Variants in PDK4 observed in about 807,000 individuals in gnomAD.
The protein encoded by PDK4 is pyruvate dehydrogenase kinase, isozyme 4.
A neutral mutation model predicts 51.7 loss-of-function variants in PDK4; 43 were observed. The ratio of observed to expected loss-of-function variants is 0.83; its 90% CI spans 0.65 to 1.07. The LOEUF (loss-of-function observed/expected upper bound fraction) is 1.07. PDK4 is among the 50% of genes least tolerant of loss of function. The pLI, the probability that PDK4 is intolerant of heterozygous loss-of-function variation, is 0.00. For synonymous variants in PDK4, 170 were observed against 176.6 expected (o/e 0.96, Z 0.30); for missense variants, 498 against 503.5 (o/e 0.99, Z 0.10).
chr7:95,595,170 A>T lies in PDK4; in HGVS notation c.131-6T>A. The stretch of plus-strand genomic sequence containing the variant: ...TTCACATGCATTTTCTGAACCTATA[A>T]TAAATGAAATCAATTTAGTTTTGAG... On this transcript the variant is annotated splice_polypyrimidine_tract_variant and splice_region_variant and intron_variant, in intron 1 of 10. Coordinates refer to ENST00000005178, the MANE Select transcript of PDK4 (RefSeq NM_002612.4). The T allele has an allele frequency of 6.2e-7, 1 of 1,604,618 alleles. No homozygotes were observed. Among genetic ancestry groups the T allele is most frequent in the South Asian group, 1.1e-5 (1 of 90,656 alleles).
intron 3 of PDK4, 136 bp downstream of exon 3, chr7:95,593,562 CA>C: frequency 2.1e-6 from 1 of 484,228 alleles, no homozygotes; most frequent in Non-Finnish European, 3.7e-6. Context: ...ACCAACAAGC[CA>C]AAACTTGTCA....
chr7:95,585,881 C>A, intron 10 of PDK4, 100 bp from the exon 11 acceptor site: 1 of 996,126 alleles, frequency 1.0e-6, no homozygotes, highest in Non-Finnish European at 1.5e-6. Context: ...GGTAAGTATC[C>A]AAACATTCAA....
intron 10 of PDK4, among the ~76,000 whole-genome samples, chr7:95,586,277 C>T (rs1280173353): frequency 6.8e-6 from 1 of 147,800 alleles, no homozygotes; most frequent in Non-Finnish European, 1.5e-5. Context: ...TCACTGCAAC[C>T]TCTGCCTCCC....
Position 95,587,457 on chromosome 7 carries a change from T to G in PDK4, c.942A>C (p.Ala314=), listed in dbSNP as rs1442355686. Residue 314 remains alanine, a synonymous_variant, in exon 9 of 11, where the codon GCA becomes GCC. Coordinates refer to ENST00000005178, the MANE Select transcript of PDK4 (RefSeq NM_002612.4). ...GGGAATTATCCATCACAGGCGTTGG[T>G]GCAGTGGAGTATGTATAACTAAAGA... is the stretch of plus-strand genomic sequence containing the variant. The part of the protein sequence containing the change: ...DRLFSYTYST[A]PTPVMDNSRN... The G allele has an allele frequency of 6.2e-7, 1 of 1,610,564 alleles. No homozygotes were observed.
intron 1 of PDK4, among the ~76,000 whole-genome samples, 180 bp from the exon 2 acceptor site, chr7:95,595,344 C>T (rs1000270274): frequency 2.6e-5 from 4 of 152,198 alleles, no homozygotes; most frequent in Admixed American, 6.5e-5. Flanking sequence ...TAATTCCCTT[C>T]GTCCTTTCGT....
chr7:95,586,962 G>C (rs1449142385), intron 10 of PDK4, 48 bp downstream of exon 10: 1 of 1,051,582 alleles, frequency 9.5e-7, no homozygotes, highest in African/African-American at 1.6e-5. Flanking sequence ...GCTATAAAAG[G>C]AGCAATGGTT....
chr7:95,591,635 A>G (rs1051564302), intron 6 of PDK4, among the ~76,000 whole-genome samples: 1 of 152,176 alleles, frequency 6.6e-6, no homozygotes, highest in African/African-American at 2.4e-5. Context: ...TAACCTCTTT[A>G]AGAGGATATT....
At chr7:95,587,308 A>C (rs892053189) in intron 9 of PDK4, 110 bp downstream of exon 9, 5 of 769,638 alleles carry the variant, frequency 6.5e-6, no homozygotes, top group Non-Finnish European at 1.1e-5. Context: ...TATATCCTTC[A>C]TGTCTAATTT....
At position 95,589,665 on chromosome 7, in the gene PDK4, T is replaced by C. The variant is rs1791527958; in HGVS notation, c.746A>G (p.His249Arg). ...IHIVYVPSHL[H>R]HMLFELFKNA... ...CTTAAATAGTTCAAAGAGCATATGA[T>C]GGAGGTGAGAAGGAACATACACGAT... The change falls in exon 7 of 11, where the codon CAT (histidine) becomes CGT (arginine). Residue 249 changes from histidine to arginine, a missense_variant. By Grantham distance (29) the His-to-Arg change is conservative. Coordinates refer to ENST00000005178, the MANE Select transcript of PDK4 (RefSeq NM_002612.4). 6.3e-7 allele frequency: 1 copy of C among 1,579,186 alleles called. No homozygotes were observed. Among genetic ancestry groups the C allele is most frequent in the Non-Finnish European group, 8.7e-7 (1 of 1,148,966 alleles).
rs772836273 is a variant in PDK4, at chr7:95,585,770, A to T, written c.1107T>A (p.Ser369=). 1.3e-6 allele frequency: 2 copies of T among 1,591,086 alleles called. No individual in the cohort carries two copies. The highest frequency in any genetic ancestry group is 1.7e-6 in the Non-Finnish European group (2 of 1,162,438). Residue 369 remains serine (S), a synonymous_variant, in exon 11 of 11, where the codon TCT becomes TCA. Transcript: ENST00000005178. The part of the protein sequence containing the change: ...DAIIYLKALS[S]ESIEKLPVFN... ...AAACTGGAAGTTTTTCTATAGACTC[A>T]GAAGACAAAGCCTAAAAGAAAAGGG...
chr7:95,596,066 T>TCG lies in PDK4; in HGVS notation c.130+97_130+98insCG. 5 of 1,297,958 alleles carry TCG rather than the reference T, an allele frequency of 3.9e-6. No individual in the cohort carries two copies. In the African/African-American group the frequency reaches 7.8e-5, roughly 20 times the overall value. 80.4% of individuals were successfully genotyped at this position (1,297,958 alleles called of 1,614,324 possible). On this transcript the variant is annotated intron_variant, in intron 1 of 10. Transcript: ENST00000005178. ...GGCTCAGCAGCAAAGTGAACCCCAG[T>TCG]TGTTTTAGCTTGAGCCTAGCCCTCC...
In PDK4 at chr7:95,587,805, A is replaced by G; in HGVS notation, c.792T>C (p.Val264=). The change falls in exon 8 of 11, where the codon GTT becomes GTC. Residue 264 remains valine, a synonymous_variant. Transcript: ENST00000005178. ...ELFKNAMRAT[V]EHQENQPSLT... ...GGGAAGGCTGATTTTCCTGGTGTTC[A>G]ACTGTTGCCCGCATTGCATTCTAAA... The G allele has an allele frequency of 6.2e-7, 1 of 1,612,838 alleles. No homozygotes were observed. The highest frequency in any genetic ancestry group is 8.5e-7 in the Non-Finnish European group (1 of 1,178,818).
In PDK4 at chr7:95,585,368, T is replaced by C. The variant is rs981368407; in HGVS notation, c.*273A>G. 16 of 275,502 alleles carry C rather than the reference T, an allele frequency of 5.8e-5. No individual in the cohort carries two copies. Among genetic ancestry groups the C allele is most frequent in the African/African-American group, 3.0e-4 (14 of 46,056 alleles). 17.1% of individuals were successfully genotyped at this position (275,502 alleles called of 1,614,324 possible). A position where few individuals can be genotyped will look rare whatever the true frequency, so the allele number is the denominator to read the frequency against. ...TTCTTATCAAAAACAGATGGAAAAC[T>C]GAGGCTTATTTCTTCAGGATTTGAT... On this transcript the variant is annotated 3_prime_UTR_variant, in exon 11 of 11. Transcript: ENST00000005178.
intron 6 of PDK4, among the ~76,000 whole-genome samples, chr7:95,590,700 T>C (rs1005982518): frequency 3.9e-5 from 6 of 152,220 alleles, no homozygotes; most frequent in African/African-American, 1.4e-4. Flanking sequence ...TTGAGCAACT[T>C]GATTTTAACT....
rs537308156 is a variant in PDK4, at chr7:95,585,549, T to C, written c.*92A>G. 5.8e-4 allele frequency: 669 copies of C among 1,143,714 alleles called. 2 individuals carry two copies. The highest frequency in any genetic ancestry group is 1.3e-4 in the Non-Finnish European group (108 of 815,276). The allele number at this position is 1,143,714 out of a possible 1,614,324, so 70.8% of individuals were successfully genotyped here. A position where few individuals can be genotyped will look rare whatever the true frequency, so the allele number is the denominator to read the frequency against. On this transcript the variant is annotated 3_prime_UTR_variant, in exon 11 of 11. Transcript: ENST00000005178. ...GGAGTTTTCGTTGCTGTCGTTTGTT[T>C]TGGAGGAAACAAGGGTTCACACACA...
chr7:95,596,210 CGAGAA>C lies in PDK4; in HGVS notation c.79_83del (p.Phe27AlafsTer22). 1.2e-6 allele frequency: 2 copies of C among 1,605,350 alleles called. No individual in the cohort carries two copies. The highest frequency in any genetic ancestry group is 2.2e-5 in the South Asian group (2 of 90,314). ...TGGACAGCGGGGACGGGCTGTAGCGCGAGAAATGCTCCACCTCTCGGGGCACCAGG... is the reference window on the plus strand; with the variant it reads ...TGGACAGCGGGGACGGGCTGTAGCGCATGCTCCACCTCTCGGGGCACCAGG... On this transcript the variant is annotated frameshift_variant, in exon 1 of 11. Transcript: ENST00000005178. LOFTEE classifies it high-confidence loss of function.
rs538664118 is a variant in PDK4 at position 95,592,856 on chromosome 7, A to G, written c.433T>C (p.Cys145Arg). ...AQGIIEYKDACTVDPVTNQNL... is the reference protein window; with the variant it reads ...AQGIIEYKDARTVDPVTNQNL... The stretch of plus-strand genomic sequence containing the variant: ...TGATTGGTGACTGGGTCAACTGTAC[A>G]GGCATCTTTATACTCTATGATTCCT... Residue 145 changes from cysteine to arginine, a missense_variant, in exon 4 of 11, where the codon TGT becomes CGT. Cys to Arg is a radical substitution (Grantham distance 180). Transcript: ENST00000005178. 2.0e-5 allele frequency: 32 copies of G among 1,612,008 alleles called. No individual in the cohort carries two copies. Among genetic ancestry groups the G allele is most frequent in the South Asian group, 3.3e-5 (3 of 90,994 alleles).
Position 95,587,417 on chromosome 7 carries a change from C to G in PDK4, c.981+1G>C, listed in dbSNP as rs750048670. On this transcript the variant is annotated splice_donor_variant, in intron 9 of 10. Transcript: ENST00000005178. LOFTEE classifies it high-confidence loss of function. ...TAATTTAGCCATATAATTGTTCTTA[C>G]CAAAGGAGCATTCCGGGAATTATCC... 8 of 1,553,468 alleles carry G rather than the reference C, an allele frequency of 5.1e-6. No individual in the cohort carries two copies. In the African/African-American group the frequency reaches 1.1e-4, roughly 21 times the overall value.
rs768476874 is a variant in PDK4, at chr7:95,596,151, T to C, written c.130+13A>G. The C allele has an allele frequency of 6.3e-6, 10 of 1,598,944 alleles. No individual in the cohort carries two copies. On this transcript the variant is annotated intron_variant, in intron 1 of 10. Coordinates refer to ENST00000005178, the MANE Select transcript of PDK4 (RefSeq NM_002612.4). ...ACCCTAGGACCCAGCTTGGGCCCTG[T>C]GTCCCCTCTCACCAAAGTCCAGTAG...
Sources: allele counts gnomAD v4.1 joint callset (sites outside exome capture counted in the v4.1 genomes callset), GRCh38; gene constraint gnomAD v4.1.1; transcripts MANE v1.5; gene names NCBI Gene and HGNC (gene_info 2026-07-23, HGNC 2026-07-21).